WDR93: variants seen among roughly 807,000 people sequenced by gnomAD.
WDR93 encodes the protein WD repeat-containing protein 93.
WDR93 carries 73 observed loss-of-function variants against 82.9 expected under a neutral mutation model. The ratio of observed to expected loss-of-function variants is 0.88; its 90% CI spans 0.73 to 1.07. The LOEUF is 1.07. WDR93 is among the 50% of genes least tolerant of loss of function. The pLI is 0.00. For missense variants in WDR93, 738 were observed against 826.0 expected (o/e 0.89, Z 1.31); for synonymous variants, 283 against 300.1 (o/e 0.94, Z 0.59).
chr15:89,701,155 A>G (rs917134659), intron 1 of WDR93, among the ~76,000 whole-genome samples: 1 of 152,118 alleles, frequency 6.6e-6, no homozygotes, highest in Non-Finnish European at 1.5e-5. Flanking sequence ...TAATGTCTCA[A>G]ACATTTCTGG....
At chr15:89,740,497 TTTTG>T (rs1967577445) in intron 16 of WDR93, among the ~76,000 whole-genome samples, 1 of 151,328 alleles carries the variant, frequency 6.6e-6, no homozygotes, top group Non-Finnish European at 1.5e-5. Flanking sequence ...GGTTTTTGTT[TTTTG>T]TTTTTGTTTT....
chr15:89,716,385 G>C (rs953364736), intron 6 of WDR93, among the ~76,000 whole-genome samples: 2 of 152,000 alleles, frequency 1.3e-5, no homozygotes, highest in Non-Finnish European at 2.9e-5. Flanking sequence ...TATCATACTT[G>C]GTACTCAAAA....
At chr15:89,734,718 G>T (rs889013801) in intron 13 of WDR93, among the ~76,000 whole-genome samples, 5 of 151,934 alleles carry the variant, frequency 3.3e-5, no homozygotes, top group Non-Finnish European at 7.4e-5. Flanking sequence ...GGTACAGAGG[G>T]TCACACCTGT....
In WDR93 at chr15:89,743,351, G is replaced by A. The variant is rs781776188; in HGVS notation, c.2021G>A (p.Arg674Lys). ...KEEEHWARLQ[R>K]YSLSLQRENF... The stretch of plus-strand genomic sequence containing the variant: ...GAGGAGCACTGGGCCCGGCTTCAGA[G>A]GTACTCCTTGTCGCTCCAGAGAGAG... The change falls in exon 17 of 17, where the codon AGG becomes AAG. Residue 674 changes from arginine to lysine, a missense_variant. By Grantham distance (26) the Arg-to-Lys change is conservative. Transcript: ENST00000268130. The A allele has an allele frequency of 1.9e-6, 3 of 1,614,180 alleles. No homozygotes were observed. Among genetic ancestry groups the A allele is most frequent in the East Asian group, 2.2e-5 (1 of 44,876 alleles).
intron 1 of WDR93, among the ~76,000 whole-genome samples, chr15:89,694,477 T>C (rs1206692469): frequency 4.6e-5 from 7 of 152,114 alleles, no homozygotes; most frequent in African/African-American, 7.2e-5. Context: ...CCTCATGATC[T>C]GCCCGCCTTG....
intron 7 of WDR93, among the ~76,000 whole-genome samples, chr15:89,720,574 T>C (rs1409677820): frequency 6.6e-6 from 1 of 152,206 alleles, no homozygotes; most frequent in Non-Finnish European, 1.5e-5. Flanking sequence ...CCCAGCCGAC[T>C]AGTAGATTTT....
At chr15:89,693,255 T>C (rs1446328943) in intron 1 of WDR93, among the ~76,000 whole-genome samples, 2 of 152,216 alleles carry the variant, frequency 1.3e-5, no homozygotes, top group African/African-American at 4.8e-5. Context: ...ACATATGGTA[T>C]GTTTAACTTT....
intron 1 of WDR93, 141 bp from the exon 2 acceptor site, chr15:89,701,566 T>C: frequency 2.8e-6 from 2 of 712,114 alleles, no homozygotes. Context: ...AAGAATGTGG[T>C]AATAGTCCTC....
intron 8 of WDR93, among the ~76,000 whole-genome samples, chr15:89,722,629 G>A (rs1266791983): frequency 1.3e-5 from 2 of 152,112 alleles, no homozygotes; most frequent in Non-Finnish European, 2.9e-5. Flanking sequence ...ACAGCAATGG[G>A]GACCATCAAG....
intron 1 of WDR93, among the ~76,000 whole-genome samples, chr15:89,693,745 G>T (rs1965014819): frequency 6.6e-6 from 1 of 152,248 alleles, no homozygotes; most frequent in Non-Finnish European, 1.5e-5. Context: ...CAGAAGGAAT[G>T]TGTAAGATAA....
chr15:89,738,552 G>A (rs1485336962), intron 16 of WDR93, among the ~76,000 whole-genome samples: 1 of 150,696 alleles, frequency 6.6e-6, no homozygotes, highest in Non-Finnish European at 1.5e-5. Context: ...GCTTAAACCT[G>A]GGAGGCAGAG....
At chr15:89,690,633 G>A (rs1252980656), upstream of WDR93, 10 of 1,551,024 alleles carry the variant, frequency 6.4e-6, no homozygotes, top group Non-Finnish European at 8.7e-6. Context: ...AGGCGTCCAT[G>A]GCTTCTAGCC....
chr15:89,709,875 TC>T, intron 4 of WDR93, among the ~76,000 whole-genome samples: 1 of 150,394 alleles, frequency 6.6e-6, no homozygotes, highest in Non-Finnish European at 1.5e-5. Flanking sequence ...AAAAAAATAA[TC>T]AAGGCCGGGT....
intron 11 of WDR93, 122 bp downstream of exon 11, chr15:89,729,891 C>A: frequency 2.5e-6 from 2 of 806,364 alleles, no homozygotes. Context: ...CAGATCTAGG[C>A]AGGCAGTAGG....
chr15:89,700,979 TACACACACACAC>T (rs34106334), intron 1 of WDR93, among the ~76,000 whole-genome samples: 1 of 150,212 alleles, frequency 6.7e-6, no homozygotes, highest in Non-Finnish European at 1.5e-5. Flanking sequence ...TATGTGTGTG[TACACACACACAC>T]ACACACACAC....
chr15:89,722,983 T>C (rs935624897), intron 8 of WDR93, among the ~76,000 whole-genome samples: 2 of 152,026 alleles, frequency 1.3e-5, no homozygotes, highest in African/African-American at 4.8e-5. Context: ...GGTGGGCAGA[T>C]TGCTTGAGCT....
At chr15:89,714,566 C>T (rs1472948453) in intron 5 of WDR93, among the ~76,000 whole-genome samples, 1 of 152,178 alleles carries the variant, frequency 6.6e-6, no homozygotes, top group African/African-American at 2.4e-5. Flanking sequence ...AGGTGTTCCA[C>T]CCACCTCAGC....
chr15:89,702,078 CCT>C (rs1965498568), intron 2 of WDR93, 29 bp downstream of exon 2: 1 of 1,573,528 alleles, frequency 6.4e-7, no homozygotes. Context: ...ACCAGGAGCC[CCT>C]GTTTCTCAGT....
intron 13 of WDR93, among the ~76,000 whole-genome samples, chr15:89,733,717 C>T (rs1567127910): frequency 6.6e-6 from 1 of 152,122 alleles, no homozygotes; most frequent in Admixed American, 6.5e-5. Context: ...TAGAGAGTCC[C>T]CACCAGCAAG....
Sources: gnomAD v4.1 joint callset for allele counts (sites outside exome capture counted in the v4.1 genomes callset) on GRCh38, gnomAD v4.1.1 for gene constraint, MANE v1.5 for transcripts, NCBI Gene and HGNC (gene_info 2026-07-23, HGNC 2026-07-21) for gene names.